The following RAPGEF5 variants were observed in gnomAD, a reference collection of about 807,000 sequenced individuals.
The protein encoded by RAPGEF5 is Rap guanine nucleotide exchange factor 5, also known as M-Ras-regulated GEF.
A neutral mutation model predicts 125.2 loss-of-function variants in RAPGEF5; 65 were observed. The ratio of observed to expected loss-of-function variants is 0.52; its 90% CI spans 0.43 to 0.64. RAPGEF5 has a LOEUF of 0.64. Ranked by LOEUF, RAPGEF5 falls within the 30% of genes least tolerant of loss-of-function variation. RAPGEF5 has a pLI of 0.00. For synonymous variants in RAPGEF5, 391 were observed against 385.9 expected, an observed-to-expected ratio of 1.01 and a Z score of -0.16; for missense variants, 958 against 1,048.1, an observed-to-expected ratio of 0.91 and a Z score of 1.19.
intron 7 of RAPGEF5, among the ~76,000 whole-genome samples, chr7:22,234,214 A>C (rs1028146168): frequency 2.6e-5 from 4 of 152,188 alleles, no homozygotes; most frequent in Non-Finnish European, 4.4e-5. Context: ...TCATAGATTA[A>C]TGTCAAAAAA....
chr7:22,174,934 T>C (rs978938693), intron 11 of RAPGEF5, among the ~76,000 whole-genome samples: 9 of 152,114 alleles, frequency 5.9e-5, no homozygotes, highest in African/African-American at 1.4e-4. Flanking sequence ...ACAGTTATGA[T>C]TGTGGGAGCC....
At chr7:22,257,586 T>C (rs759786241) in intron 7 of RAPGEF5, among the ~76,000 whole-genome samples, 12 of 152,218 alleles carry the variant, frequency 7.9e-5, no homozygotes, top group Non-Finnish European at 1.2e-4. Flanking sequence ...ACAATACCTA[T>C]GACTTAGGCT....
chr7:22,343,058 G>A (rs1784158139), intron 1 of RAPGEF5, among the ~76,000 whole-genome samples: 1 of 152,182 alleles, frequency 6.6e-6, no homozygotes, highest in Non-Finnish European at 1.5e-5. Context: ...CCTGGACTGG[G>A]CAATTTACAA....
intron 14 of RAPGEF5, among the ~76,000 whole-genome samples, chr7:22,158,588 G>C (rs746791182): frequency 1.1e-4 from 16 of 152,078 alleles, no homozygotes; most frequent in Non-Finnish European, 2.1e-4. Context: ...TCTTACTCTA[G>C]AATCTAAAGC....
At chr7:22,261,826 G>T (rs573880726) in intron 7 of RAPGEF5, among the ~76,000 whole-genome samples, 100 of 141,684 alleles carry the variant, frequency 7.1e-4, no homozygotes, top group African/African-American at 2.6e-3. Flanking sequence ...AACAAATGGT[G>T]CTGAGGTGAC....
At chr7:22,205,834 A>G (rs921412592) in intron 9 of RAPGEF5, among the ~76,000 whole-genome samples, 1 of 152,248 alleles carries the variant, frequency 6.6e-6, no homozygotes. Flanking sequence ...TAATGTCCTG[A>G]TAACAGACAC....
At chr7:22,125,728 C>T in intron 24 of RAPGEF5, 70 bp from the exon 25 acceptor site, 8 of 1,404,294 alleles carry the variant, frequency 5.7e-6, no homozygotes, top group Non-Finnish European at 8.1e-6. Context: ...GCAGTGCCTG[C>T]TAGGATGGAA....
At chr7:22,339,916 C>G (rs539890556) in intron 1 of RAPGEF5, among the ~76,000 whole-genome samples, 18 of 152,272 alleles carry the variant, frequency 1.2e-4, no homozygotes, top group Middle Eastern at 3.4e-3. Flanking sequence ...CTCTCCACCC[C>G]CTAAAGCAGA....
intron 9 of RAPGEF5, chr7:22,194,705 T>A (rs1183773420): frequency 1.4e-5 from 14 of 985,332 alleles, no homozygotes; most frequent in Non-Finnish European, 1.6e-5. Context: ...ATGCCATGGA[T>A]GACTGCACAG....
intron 5 of RAPGEF5, among the ~76,000 whole-genome samples, chr7:22,307,378 TC>T (rs1783366773): frequency 2.0e-5 from 3 of 152,266 alleles, no homozygotes; most frequent in South Asian, 4.1e-4. Context: ...TTCTATTTCT[TC>T]AGTGCTCCTT....
intron 9 of RAPGEF5, among the ~76,000 whole-genome samples, chr7:22,196,714 A>G (rs569637620): frequency 6.6e-6 from 1 of 152,364 alleles, no homozygotes; most frequent in African/African-American, 2.4e-5. Flanking sequence ...AAATACCATT[A>G]AACAGGGGAG....
At chr7:22,319,631 T>C (rs908784066) in intron 1 of RAPGEF5, among the ~76,000 whole-genome samples, 1 of 152,184 alleles carries the variant, frequency 6.6e-6, no homozygotes, top group African/African-American at 2.4e-5. Context: ...TAGTCCCTTA[T>C]TGATATACTG....
chr7:22,250,717 A>G (rs949480367), intron 7 of RAPGEF5, among the ~76,000 whole-genome samples: 5 of 152,210 alleles, frequency 3.3e-5, no homozygotes, highest in Non-Finnish European at 5.9e-5. Flanking sequence ...ATAAAATGAA[A>G]AAAGTTTAGG....
chr7:22,153,213 T>C (rs1463600566), intron 17 of RAPGEF5, among the ~76,000 whole-genome samples: 3 of 152,192 alleles, frequency 2.0e-5, no homozygotes, highest in African/African-American at 7.2e-5. Context: ...TGGTACTACC[T>C]TGAGAGGTGG....
At chr7:22,130,790 C>G (rs1406657410) in intron 24 of RAPGEF5, among the ~76,000 whole-genome samples, 1 of 152,136 alleles carries the variant, frequency 6.6e-6, no homozygotes, top group Admixed American at 6.5e-5. Flanking sequence ...TTTTTAAAAA[C>G]AAAACGCAGA....
chr7:22,270,203 C>T (rs187986334), intron 6 of RAPGEF5, among the ~76,000 whole-genome samples: 1 of 152,164 alleles, frequency 6.6e-6, no homozygotes, highest in African/African-American at 2.4e-5. Context: ...TGTGCCTGCA[C>T]TGAATAAAAG....
At chr7:22,316,472 TATATATATATATATA>T (rs1302324700) in intron 2 of RAPGEF5, among the ~76,000 whole-genome samples, 2 of 53,598 alleles carry the variant, frequency 3.7e-5, no homozygotes. Context: ...TATATATATA[TATATATATATATATA>T]TATTTTTTTT....
chr7:22,194,732 T>A (rs1785106225), intron 9 of RAPGEF5: 1 of 985,432 alleles, frequency 1.0e-6, no homozygotes, highest in African/African-American at 1.7e-5. Flanking sequence ...TTCACCTCAG[T>A]CCCTTTTTAA....
At chr7:22,178,343 C>T (rs1484605468) in intron 11 of RAPGEF5, among the ~76,000 whole-genome samples, 1 of 152,148 alleles carries the variant, frequency 6.6e-6, no homozygotes, top group East Asian at 1.9e-4. Flanking sequence ...AACTGAGTTT[C>T]CTATAATTCA....
Sources: allele counts gnomAD v4.1 joint callset (sites outside exome capture counted in the v4.1 genomes callset), GRCh38; gene constraint gnomAD v4.1.1; transcripts MANE v1.5; gene names NCBI Gene and HGNC (gene_info 2026-07-23, HGNC 2026-07-21).